PDE10A: variants seen among roughly 807,000 people sequenced by gnomAD.
PDE10A encodes cAMP and cAMP-inhibited cGMP 3',5'-cyclic phosphodiesterase 10A.
In PDE10A, 39 loss-of-function variants were observed where a neutral mutation model predicts 97.7. The observed-to-expected ratio is 0.40, with a 90% CI of 0.31 to 0.52. The LOEUF is 0.52. Ranked by LOEUF, PDE10A falls within the 20% of genes least tolerant of loss-of-function variation. The pLI is 0.56. For missense variants in PDE10A, 731 were observed against 1,047.8 expected (o/e 0.70, Z 4.17); for synonymous variants, 371 against 376.8 (o/e 0.98, Z 0.18).
chr6:165,916,962 C>A (rs1782622701), intron 1 of PDE10A, among the ~76,000 whole-genome samples: 1 of 152,132 alleles, frequency 6.6e-6, no homozygotes. Flanking sequence ...CAGCAGAATA[C>A]CCAATGAAAA....
At chr6:165,859,867 G>A (rs962292952) in intron 1 of PDE10A, among the ~76,000 whole-genome samples, 1 of 152,080 alleles carries the variant, frequency 6.6e-6, no homozygotes, top group African/African-American at 2.4e-5. Flanking sequence ...CCATAAAAAG[G>A]AATGAATTAA....
At chr6:165,437,458 A>G (rs1583284720) in intron 5 of PDE10A, among the ~76,000 whole-genome samples, 1 of 152,198 alleles carries the variant, frequency 6.6e-6, no homozygotes, top group Admixed American at 6.5e-5. Context: ...AGTGTATGGA[A>G]AGCTCTTCTA....
intron 1 of PDE10A, among the ~76,000 whole-genome samples, chr6:165,786,654 G>T (rs1030394317): frequency 1.3e-5 from 2 of 152,102 alleles, no homozygotes; most frequent in African/African-American, 4.8e-5. Context: ...CTTCAGCTTG[G>T]TGTTCCCTGA....
At position 165,819,226 on chromosome 6, in the gene PDE10A, A is replaced by C. The variant is rs1013345568; in HGVS notation, c.-615+168303T>G. 2.0e-5 allele frequency among the ~76,000 whole-genome samples: 3 copies of C among 152,148 alleles called. No individual in the cohort carries two copies. Among genetic ancestry groups the C allele is most frequent in the Admixed American group, 6.5e-5 (1 of 15,278 alleles). On this transcript the variant is annotated intron_variant, in intron 1 of 19. Transcript: ENST00000366882. The surrounding 1 kb of genome is among the most constrained non-coding windows in gnomAD (Gnocchi z 4.2). ...CCTGCACTTCCAGCATCCTGAGCCC[A>C]GTCAGCACACGTTGGGATGATTTTT... is the stretch of plus-strand genomic sequence containing the variant.
At chr6:165,379,923 A>C (rs1231664087) in intron 17 of PDE10A, among the ~76,000 whole-genome samples, 2 of 152,078 alleles carry the variant, frequency 1.3e-5, no homozygotes, top group Admixed American at 6.5e-5. Context: ...AAAAACTCTA[A>C]GGGCAAGAGT....
intron 1 of PDE10A, among the ~76,000 whole-genome samples, chr6:165,852,295 G>A (rs560407506): frequency 6.6e-6 from 1 of 152,306 alleles, no homozygotes; most frequent in Admixed American, 6.5e-5. Context: ...ACTTTGCAAA[G>A]TACATCTAAA....
chr6:165,662,545 G>C lies in PDE10A; in HGVS notation c.267C>G (p.Gly89=), dbSNP rs1251111347. 6.8e-6 allele frequency: 1 copy of C among 148,110 alleles called. No individual in the cohort carries two copies. The highest frequency in any genetic ancestry group is 1.5e-5 in the Non-Finnish European group (1 of 66,826). The allele number at this position is 148,110 out of a possible 1,614,324, so 9.2% of individuals were successfully genotyped here. A position where few individuals can be genotyped will look rare whatever the true frequency, so the allele number is the denominator to read the frequency against. The change falls in exon 1 of 22, where the codon GGC becomes GGG. Residue 89 remains glycine (G), a synonymous_variant. Coordinates refer to ENST00000539869, the MANE Select transcript of PDE10A (RefSeq NM_001385079.1). ...GGPGALSARG[G]GCGWVAARAP... is the part of the protein sequence containing the mutation. ...CGCGGGCCGCGACCCAGCCGCAGCC[G>C]CCGCCGCGCGCAGAGAGGGCGCCGG...
chr6:165,801,237 G>T (rs968603906), intron 1 of PDE10A, among the ~76,000 whole-genome samples: 5 of 152,148 alleles, frequency 3.3e-5, no homozygotes, highest in African/African-American at 1.2e-4. Context: ...AGTTCACTTT[G>T]CCTTGGCTTA....
intron 1 of PDE10A, among the ~76,000 whole-genome samples, chr6:165,650,568 C>T (rs1052365645): frequency 1.3e-5 from 2 of 152,126 alleles, no homozygotes; most frequent in African/African-American, 2.4e-5. Context: ...ATCTTCTGGA[C>T]ATTCGTTTAC....
At chr6:165,725,710 T>C (rs901149655) in intron 1 of PDE10A, among the ~76,000 whole-genome samples, 1 of 152,186 alleles carries the variant, frequency 6.6e-6, no homozygotes, top group African/African-American at 2.4e-5. Flanking sequence ...TTTCTACTTA[T>C]TCCTCCGTAG....
chr6:165,582,253 T>C (rs1785653892), intron 1 of PDE10A, among the ~76,000 whole-genome samples: 1 of 152,158 alleles, frequency 6.6e-6, no homozygotes, highest in Admixed American at 6.5e-5. Context: ...TTTCTCTATG[T>C]AGGCTGTTTT....
At chr6:165,339,216 A>G in intron 20 of PDE10A, 62 bp downstream of exon 20, 1 of 947,354 alleles carries the variant, frequency 1.1e-6, no homozygotes, top group East Asian at 2.4e-5. Context: ...TTTATGTATG[A>G]TTTTATGCCC....
At chr6:165,666,383 C>G (rs1450769845), upstream of PDE10A, among the ~76,000 whole-genome samples, 1 of 152,112 alleles carries the variant, frequency 6.6e-6, no homozygotes, top group African/African-American at 2.4e-5. Flanking sequence ...TTCCCTTTAC[C>G]GTGATTTTAA....
chr6:165,647,510 A>C (rs987606249), intron 1 of PDE10A, among the ~76,000 whole-genome samples: 8 of 152,174 alleles, frequency 5.3e-5, no homozygotes, highest in Non-Finnish European at 8.8e-5. Flanking sequence ...AAATGGAAGA[A>C]GCATTCTAAT....
At chr6:165,623,282 T>C (rs1381419289) in intron 1 of PDE10A, among the ~76,000 whole-genome samples, 1 of 152,082 alleles carries the variant, frequency 6.6e-6, no homozygotes, top group African/African-American at 2.4e-5. Flanking sequence ...CCGGCCACCA[T>C]GCCCGGCTGA....
intron 1 of PDE10A, among the ~76,000 whole-genome samples, chr6:165,831,570 C>T (rs1394789288): frequency 1.0e-4 from 15 of 150,236 alleles, no homozygotes; most frequent in African/African-American, 1.7e-4. Context: ...CTCTGCCTCC[C>T]GGGTTCACGC....
At chr6:165,482,374 C>T in intron 2 of PDE10A, 31 bp from the exon 3 acceptor site, 2 of 1,557,942 alleles carry the variant, frequency 1.3e-6, no homozygotes, top group Non-Finnish European at 1.8e-6. Flanking sequence ...GGGAAAAACA[C>T]AATTAGCGAC....
intron 10 of PDE10A, among the ~76,000 whole-genome samples, chr6:165,425,814 A>C (rs896237157): frequency 3.1e-5 from 4 of 128,714 alleles, no homozygotes; most frequent in Non-Finnish European, 6.8e-5. Flanking sequence ...TATGTAATCC[A>C]CTAAGAAACT....
chr6:165,365,931 T>A (rs1490859319), intron 18 of PDE10A, among the ~76,000 whole-genome samples: 1 of 151,964 alleles, frequency 6.6e-6, no homozygotes, highest in Non-Finnish European at 1.5e-5. Flanking sequence ...TACATGCAAA[T>A]ATGCTAAAAA....
Sources: allele counts gnomAD v4.1 joint callset (sites outside exome capture counted in the v4.1 genomes callset), GRCh38; gene constraint gnomAD v4.1.1; non-coding constraint Gnocchi (gnomAD v3.1); transcripts MANE v1.5; gene names NCBI Gene and HGNC (gene_info 2026-07-23, HGNC 2026-07-21).